TMX2: variants seen among roughly 807,000 people sequenced by gnomAD.
TMX2 encodes the protein thioredoxin-related transmembrane protein 2.
A neutral mutation model predicts 33.4 loss-of-function variants in TMX2; 20 were observed. The observed-to-expected ratio is 0.60, with a 90% CI of 0.42 to 0.87. The LOEUF (loss-of-function observed/expected upper bound fraction) is 0.87. Among genes scored for constraint, TMX2 ranks in the 40% least tolerant of loss-of-function variants. TMX2 has a pLI of 0.00. For missense variants in TMX2, 340 were observed against 370.7 expected (o/e 0.92, Z 0.68); for synonymous variants, 166 against 140.7 (o/e 1.18, Z -1.27).
intron 1 of TMX2, among the ~76,000 whole-genome samples, chr11:57,729,199 G>C (rs1408809749): frequency 6.6e-6 from 1 of 152,040 alleles, no homozygotes; most frequent in African/African-American, 2.4e-5. Context: ...GTCCTTCATA[G>C]GTTTTATGGC....
At chr11:57,719,514 CTTTTTTTTTTTT>C (rs1183104624) in intron 1 of TMX2, among the ~76,000 whole-genome samples, 4 of 70,510 alleles carry the variant, frequency 5.7e-5, no homozygotes, top group Non-Finnish European at 7.5e-5. Flanking sequence ...TTTTCTTTGT[CTTTTTTTTTTTT>C]TTTTTTTTTT....
At chr11:57,718,103 G>A in intron 1 of TMX2, 1 of 1,254,378 alleles carries the variant, frequency 8.0e-7, no homozygotes, top group Non-Finnish European at 1.2e-6. Flanking sequence ...TGGACCCAAA[G>A]CGCTCCATGG....
rs1364026784 is a variant in TMX2 at position 57,716,962 on chromosome 11, C to T, written c.189+4155C>T. On this transcript the variant is annotated intron_variant, in intron 1 of 7. Transcript: ENST00000278422. ...CTTCTCAGATGGGGCGGATGCTGGGCGGAGGGTCTCCTCACTTCTCAGACG... is the reference window on the plus strand; with the variant it reads ...CTTCTCAGATGGGGCGGATGCTGGGTGGAGGGTCTCCTCACTTCTCAGACG... 2.7e-5 allele frequency among the ~76,000 whole-genome samples: 4 copies of T among 148,840 alleles called. No individual in the cohort carries two copies. The East Asian group carries it at 6.1e-4, about 23-fold the overall frequency.
At chr11:57,736,541 T>C (rs1948761559) in intron 1 of TMX2, among the ~76,000 whole-genome samples, 1 of 151,910 alleles carries the variant, frequency 6.6e-6, no homozygotes, top group Non-Finnish European at 1.5e-5. Flanking sequence ...AGCTCTCAAA[T>C]TATATCAAAA....
chr11:57,735,294 C>T (rs544938031), intron 1 of TMX2, among the ~76,000 whole-genome samples: 23 of 151,514 alleles, frequency 1.5e-4, no homozygotes, highest in South Asian at 4.2e-4. Context: ...CTGCAACCTC[C>T]GCCTCCCGGG....
chr11:57,737,670 T>A lies in TMX2; in HGVS notation c.250+2T>A. The A allele has an allele frequency of 6.2e-7, 1 of 1,613,770 alleles. No homozygotes were observed. The highest frequency in any genetic ancestry group is 1.3e-5 in the African/African-American group (1 of 75,060). On this transcript the variant is annotated splice_donor_variant, in intron 2 of 7. Coordinates refer to ENST00000278422, the MANE Select transcript of TMX2 (RefSeq NM_015959.4). LOFTEE classifies it high-confidence loss of function. ...TGATGATGAAGAACCGCAGATCCAG[T>A]AAGTTTAGTTCACTTCTCAGACTCA...
chr11:57,716,653 CGAG>C (rs1947090925), intron 1 of TMX2, among the ~76,000 whole-genome samples: 27 of 131,500 alleles, frequency 2.1e-4, no homozygotes, highest in Admixed American at 4.4e-4. Flanking sequence ...GGCGGCTGGC[CGAG>C]CGGGGGGCTG....
At chr11:57,715,988 A>G (rs1044831319) in intron 1 of TMX2, among the ~76,000 whole-genome samples, 1 of 152,210 alleles carries the variant, frequency 6.6e-6, no homozygotes, top group Non-Finnish European at 1.5e-5. Flanking sequence ...ACTTCTTTCT[A>G]CACAGACACG....
At chr11:57,712,859 CAGGTGTA>C in intron 1 of TMX2, 52 bp downstream of exon 1, 1 of 1,603,220 alleles carries the variant, frequency 6.2e-7, no homozygotes, top group Non-Finnish European at 8.5e-7. Flanking sequence ...CCTGCCCTTG[CAGGTGTA>C]TCTGGGAACC....
chr11:57,716,851 C>CA (rs1365752390), intron 1 of TMX2, among the ~76,000 whole-genome samples: 4 of 151,088 alleles, frequency 2.6e-5, no homozygotes, highest in East Asian at 3.9e-4. Context: ...TGACCCCCCC[C>CA]ACCTCCCTCC....
At chr11:57,733,208 GTT>G in intron 1 of TMX2, among the ~76,000 whole-genome samples, 1 of 103,736 alleles carries the variant, frequency 9.6e-6, no homozygotes, top group African/African-American at 3.6e-5. Flanking sequence ...CTGTGGTTGT[GTT>G]TTTTTTTTTA....
At chr11:57,716,305 C>A (rs1468792285) in intron 1 of TMX2, among the ~76,000 whole-genome samples, 6 of 140,132 alleles carry the variant, frequency 4.3e-5, no homozygotes, top group Non-Finnish European at 9.6e-5. Context: ...CTGACCCCCC[C>A]ACCTCCCTCC....
chr11:57,723,676 G>T (rs1947785846), intron 1 of TMX2, among the ~76,000 whole-genome samples: 1 of 145,502 alleles, frequency 6.9e-6, no homozygotes, highest in Middle Eastern at 3.8e-3. Context: ...GGTGGCGAGT[G>T]CCTGTAATCC....
chr11:57,716,112 G>T (rs1000217791), intron 1 of TMX2, among the ~76,000 whole-genome samples: 2 of 152,062 alleles, frequency 1.3e-5, no homozygotes, highest in African/African-American at 2.4e-5. Context: ...CCTCCCAGAC[G>T]GGGTGGTGGC....
At chr11:57,729,324 T>C (rs964820564) in intron 1 of TMX2, among the ~76,000 whole-genome samples, 1 of 150,602 alleles carries the variant, frequency 6.6e-6, no homozygotes, top group Non-Finnish European at 1.5e-5. Context: ...CTAGGTTCTG[T>C]TTTTTTTTCT....
In TMX2 at chr11:57,739,028, T is replaced by C. The variant is rs746511752; in HGVS notation, c.603T>C (p.Asp201=). ...FGKVDVGRYT[D]VSTRYKVSTS... ...AGGTGGATGTTGGACGCTATACTGA[T>C]GTTAGTACGCGGTATGTAAAGACCT... is the stretch of plus-strand genomic sequence containing the variant. The change falls in exon 6 of 8, where the codon GAT becomes GAC. Residue 201 remains aspartate (D), a synonymous_variant. Coordinates refer to ENST00000278422, the MANE Select transcript of TMX2 (RefSeq NM_015959.4). The C allele has an allele frequency of 8.7e-5, 141 of 1,614,070 alleles. No homozygotes were observed. Among genetic ancestry groups the C allele is most frequent in the Non-Finnish European group, 1.2e-4 (139 of 1,180,050 alleles).
chr11:57,715,416 A>G (rs1394553570), intron 1 of TMX2, among the ~76,000 whole-genome samples: 1 of 150,424 alleles, frequency 6.6e-6, no homozygotes, highest in Non-Finnish European at 1.5e-5. Flanking sequence ...TAAATAAATA[A>G]ATAAAATTAA....
chr11:57,735,679 G>A (rs1240527757), intron 1 of TMX2, among the ~76,000 whole-genome samples: 1 of 152,132 alleles, frequency 6.6e-6, no homozygotes, highest in Non-Finnish European at 1.5e-5. Context: ...ATAAGCTATC[G>A]GCAGAGTCAT....
intron 1 of TMX2, among the ~76,000 whole-genome samples, chr11:57,722,222 G>A (rs929326646): frequency 4.6e-5 from 7 of 151,922 alleles, no homozygotes; most frequent in East Asian, 1.9e-4. Context: ...GGCTGGTCTC[G>A]AACTCCTGAG....
Sources: gnomAD v4.1 joint callset for allele counts (sites outside exome capture counted in the v4.1 genomes callset) on GRCh38, gnomAD v4.1.1 for gene constraint, MANE v1.5 for transcripts, NCBI Gene and HGNC (gene_info 2026-07-23, HGNC 2026-07-21) for gene names.